The following PHKB variants were observed in gnomAD, a reference collection of about 807,000 sequenced individuals.
PHKB encodes the protein phosphorylase kinase regulatory subunit beta.
Under a neutral mutation model 152.1 loss-of-function variants are expected in PHKB, and 122 were observed. The observed-to-expected ratio is 0.80, with a 90% confidence interval of 0.69 to 0.93. The LOEUF (loss-of-function observed/expected upper bound fraction) is 0.93, where lower values mean the gene tolerates loss of function less well. Ranked by LOEUF, PHKB falls within the 40% of genes least tolerant of loss-of-function variation. The pLI is 0.00. For synonymous variants in PHKB, 436 were observed against 464.9 expected (o/e 0.94, Z 0.80); for missense variants, 1,304 against 1,328.4 (o/e 0.98, Z 0.29).
intron 25 of PHKB, among the ~76,000 whole-genome samples, chr16:47,667,291 T>TGG (rs1180711196): frequency 6.6e-6 from 1 of 151,688 alleles, no homozygotes; most frequent in Non-Finnish European, 1.5e-5. Context: ...AAAAAATAGT[T>TGG]GGGCCTGGTG....
Position 47,594,146 on chromosome 16 carries a change from G to A in PHKB, c.1136G>A (p.Arg379Lys), listed in dbSNP as rs1473018146. The change falls in exon 12 of 31, where the codon AGA becomes AAA. Residue 379 changes from arginine to lysine, a missense_variant. Coordinates refer to ENST00000323584, the MANE Select transcript of PHKB (RefSeq NM_000293.3). ...FLYMMIDGVF[R>K]GNPKQVQEYQ... ...ATATTTTATATTTTAGGAGTTTTTA[G>A]AGGCAATCCTAAGCAAGTACAGGAA... 5 of 1,530,728 alleles carry A rather than the reference G, an allele frequency of 3.3e-6. No individual in the cohort carries two copies. The highest frequency in any genetic ancestry group is 1.4e-5 in the African/African-American group (1 of 73,420). The allele number at this position is 1,530,728 out of a possible 1,614,324, so 94.8% of individuals were successfully genotyped here.
chr16:47,628,366 A>G (rs914467009), intron 14 of PHKB, among the ~76,000 whole-genome samples: 3 of 152,112 alleles, frequency 2.0e-5, no homozygotes, highest in African/African-American at 7.2e-5. Flanking sequence ...CCCCGTCTCT[A>G]CTAAAAATAC....
chr16:47,545,919 G>C (rs780957459), intron 6 of PHKB, among the ~76,000 whole-genome samples: 1 of 152,130 alleles, frequency 6.6e-6, no homozygotes, highest in African/African-American at 2.4e-5. Flanking sequence ...CGTAGTTCTT[G>C]TGCCATGGTT....
intron 14 of PHKB, among the ~76,000 whole-genome samples, chr16:47,625,589 C>G (rs944336960): frequency 6.6e-6 from 1 of 152,190 alleles, no homozygotes; most frequent in African/African-American, 2.4e-5. Flanking sequence ...GACCTTAGCA[C>G]ACTCCTTTTA....
Position 47,517,499 on chromosome 16 carries a change from A to G in PHKB, c.594+1898A>G, listed in dbSNP as rs568556006. Among the ~76,000 whole-genome samples the G allele has an allele frequency of 5.9e-5, 9 of 152,184 alleles. No individual in the cohort carries two copies. In the South Asian group the frequency reaches 1.9e-3, roughly 32 times the overall value. On this transcript the variant is annotated intron_variant, in intron 6 of 30. Transcript: ENST00000323584. ...CTCGATCTCCTGGGCTCAAGCAATC[A>G]GCCCACCTCAGTCTCCTAAAGTACT...
chr16:47,505,205 C>T (rs915190979), intron 4 of PHKB, among the ~76,000 whole-genome samples: 5 of 152,158 alleles, frequency 3.3e-5, no homozygotes, highest in South Asian at 2.1e-4. Flanking sequence ...GTAAGAAGCC[C>T]GGCTTGCTGG....
Position 47,587,753 on chromosome 16 carries a change from C to A in PHKB, c.860C>A (p.Ser287Ter). ...TTGTGCTCGCTGTTACCCAGAGAAT[C>A]AAGATCACATGTGAGACATTTAATA... is the stretch of plus-strand genomic sequence containing the variant. ...QTLCSLLPRESRSHNTDAALL... is the reference protein window; with the variant it reads ...QTLCSLLPRE Residue 287 changes from serine to a stop codon, truncating the protein, a stop_gained, in exon 9 of 31, where the codon TCA (serine) becomes TAA (stop). Coordinates refer to ENST00000323584, the MANE Select transcript of PHKB (RefSeq NM_000293.3). LOFTEE classifies it high-confidence loss of function. The A allele has an allele frequency of 6.2e-7, 1 of 1,606,584 alleles. No individual in the cohort carries two copies. The highest frequency in any genetic ancestry group is 8.5e-7 in the Non-Finnish European group (1 of 1,173,252).
chr16:47,556,974 A>T (rs1250744476), intron 7 of PHKB, among the ~76,000 whole-genome samples: 2 of 152,178 alleles, frequency 1.3e-5, no homozygotes, highest in Non-Finnish European at 2.9e-5. Context: ...TCAGAGATGC[A>T]ACTTCTTCGT....
chr16:47,516,779 G>A (rs1392930272), intron 6 of PHKB, among the ~76,000 whole-genome samples: 1 of 152,144 alleles, frequency 6.6e-6, no homozygotes, highest in Admixed American at 6.5e-5. Flanking sequence ...GATAAATAAT[G>A]AAGAAGAAAT....
intron 7 of PHKB, among the ~76,000 whole-genome samples, chr16:47,553,665 G>A (rs1356803524): frequency 1.3e-5 from 2 of 152,228 alleles, no homozygotes; most frequent in South Asian, 2.1e-4. Context: ...CCCCCTGTTC[G>A]TCGATTTATC....
Position 47,589,069 on chromosome 16 carries a change from C to T in PHKB, c.1035C>T (p.Pro345=). The T allele has an allele frequency of 6.2e-7, 1 of 1,613,018 alleles. No individual in the cohort carries two copies. The highest frequency in any genetic ancestry group is 8.5e-7 in the Non-Finnish European group (1 of 1,179,120). Residue 345 remains proline, a synonymous_variant, in exon 10 of 31, where the codon CCC becomes CCT. Transcript: ENST00000323584. ...RDGYRTSLED[P]NRCYYKPAEI... ...GGTATAGAACATCATTGGAAGATCC[C>T]AACAGATGCTACTACAAGCCAGCTG...
At chr16:47,654,758 C>G (rs1378193422) in intron 20 of PHKB, among the ~76,000 whole-genome samples, 1 of 145,194 alleles carries the variant, frequency 6.9e-6, no homozygotes, top group Non-Finnish European at 1.5e-5. Context: ...ACAATGAGAA[C>G]ACTTGGACAC....
At chr16:47,584,067 AAC>A (rs1971895822) in intron 8 of PHKB, among the ~76,000 whole-genome samples, 1 of 152,038 alleles carries the variant, frequency 6.6e-6, no homozygotes, top group Non-Finnish European at 1.5e-5. Flanking sequence ...GGAAAAAAAA[AAC>A]ACTTTAAATC....
intron 17 of PHKB, among the ~76,000 whole-genome samples, 191 bp downstream of exon 17, chr16:47,648,807 C>T (rs1433030610): frequency 6.6e-6 from 1 of 152,134 alleles, no homozygotes; most frequent in African/African-American, 2.4e-5. Context: ...TATGAAGGAG[C>T]ACCTCACTGC....
intron 5 of PHKB, among the ~76,000 whole-genome samples, chr16:47,514,672 G>T (rs1970566735): frequency 1.3e-5 from 2 of 152,202 alleles, no homozygotes; most frequent in Non-Finnish European, 2.9e-5. Flanking sequence ...TGCTTTGCCA[G>T]CTGTCTAGGT....
At chr16:47,620,327 A>G (rs564177552) in intron 14 of PHKB, among the ~76,000 whole-genome samples, 1 of 152,330 alleles carries the variant, frequency 6.6e-6, no homozygotes, top group South Asian at 2.1e-4. Flanking sequence ...GGTTAAGAAC[A>G]CAGGAGGCAC....
At chr16:47,564,311 C>T (rs1159952035) in intron 7 of PHKB, among the ~76,000 whole-genome samples, 1 of 151,898 alleles carries the variant, frequency 6.6e-6, no homozygotes, top group East Asian at 1.9e-4. Context: ...TAAGTGTTCC[C>T]GTTTCACTGC....
At chr16:47,496,616 C>T (rs970038514) in intron 1 of PHKB, among the ~76,000 whole-genome samples, 6 of 152,152 alleles carry the variant, frequency 3.9e-5, no homozygotes, top group African/African-American at 1.4e-4. Flanking sequence ...TTGCTTTTAA[C>T]AAGAACGAGA....
chr16:47,558,066 G>A (rs562500494), intron 7 of PHKB, among the ~76,000 whole-genome samples: 2 of 151,288 alleles, frequency 1.3e-5, no homozygotes, highest in South Asian at 4.2e-4. Flanking sequence ...AAAAAATGAT[G>A]AGTTCATGTC....
Sources: allele counts gnomAD v4.1 joint callset (sites outside exome capture counted in the v4.1 genomes callset), GRCh38; gene constraint gnomAD v4.1.1; transcripts MANE v1.5; gene names NCBI Gene and HGNC (gene_info 2026-07-23, HGNC 2026-07-21).